CADM2: variants seen among roughly 807,000 people sequenced by gnomAD.
CADM2 encodes cell adhesion molecule 2.
A neutral mutation model predicts 49.8 loss-of-function variants in CADM2; 12 were observed. The observed-to-expected ratio is 0.24, with a 90% CI of 0.15 to 0.39. CADM2 has a LOEUF of 0.39. CADM2 is among the 10% of genes least tolerant of loss of function. The probability of loss-of-function intolerance (pLI) is 1.00; values close to 1 mark genes in which losing one functional copy is unlikely to be tolerated. For missense variants in CADM2, 378 were observed against 492.3 expected (o/e 0.77, Z 2.20); for synonymous variants, 214 against 175.4 (o/e 1.22, Z -1.74).
intron 8 of CADM2, among the ~76,000 whole-genome samples, chr3:85,978,900 T>C (rs1727124746): frequency 6.6e-6 from 1 of 151,602 alleles, no homozygotes; most frequent in Non-Finnish European, 1.5e-5. Context: ...AAATGAATTC[T>C]TGTCATTTTA....
chr3:84,961,624 A>ATGTG (rs919725759), intron 1 of CADM2, among the ~76,000 whole-genome samples: 4 of 151,094 alleles, frequency 2.6e-5, no homozygotes, highest in South Asian at 4.2e-4. Context: ...GTGTGTGTGT[A>ATGTG]TGTGTGTGTG....
chr3:85,548,146 A>G (rs2107095774), intron 1 of CADM2, among the ~76,000 whole-genome samples: 1 of 88,520 alleles, frequency 1.1e-5, no homozygotes, highest in East Asian at 6.7e-4. Context: ...TTCCCACTTC[A>G]CAGCGTGCCA....
chr3:86,037,280 C>G (rs1735283543), intron 8 of CADM2, among the ~76,000 whole-genome samples: 1 of 152,058 alleles, frequency 6.6e-6, no homozygotes. Context: ...ACTTTAATGT[C>G]AACGCTTAAC....
chr3:85,780,665 C>T (rs1310894862), intron 2 of CADM2, among the ~76,000 whole-genome samples: 1 of 152,112 alleles, frequency 6.6e-6, no homozygotes, highest in African/African-American at 2.4e-5. Context: ...CCTGGATATG[C>T]TTCTGATCTT....
intron 1 of CADM2, among the ~76,000 whole-genome samples, chr3:85,222,143 G>T (rs760405102): frequency 4.0e-4 from 61 of 152,130 alleles, no homozygotes; most frequent in Non-Finnish European, 6.8e-4. Context: ...TTGAAGGCTG[G>T]TTTGGTCACT....
chr3:85,839,366 G>A (rs1195790684), intron 3 of CADM2, among the ~76,000 whole-genome samples: 4 of 151,482 alleles, frequency 2.6e-5, no homozygotes, highest in African/African-American at 9.7e-5. Flanking sequence ...TGTCCATTTT[G>A]TAATATTTAT....
intron 8 of CADM2, among the ~76,000 whole-genome samples, chr3:85,983,401 G>A (rs1727701312): frequency 6.6e-6 from 1 of 151,662 alleles, no homozygotes; most frequent in African/African-American, 2.4e-5. Context: ...TTGGATATGA[G>A]TTTCAGTTAT....
intron 1 of CADM2, among the ~76,000 whole-genome samples, chr3:85,163,552 C>T (rs890088095): frequency 3.9e-5 from 6 of 151,966 alleles, no homozygotes; most frequent in South Asian, 2.1e-4. Context: ...CAGGATTTTA[C>T]GCCCTCAGAC....
Position 86,017,930 on chromosome 3 carries a change from G to T in CADM2, c.971-47675G>T, listed in dbSNP as rs570655238. On this transcript the variant is annotated intron_variant, in intron 8 of 9. Transcript: ENST00000383699. ...TTAGGGTACATGTGCACATTGTGCA[G>T]GTTAGTTACATATGTATACATGTGC... is the stretch of plus-strand genomic sequence containing the variant. Among the ~76,000 whole-genome samples the T allele has an allele frequency of 7.6e-3, 1,075 of 142,130 alleles. 9 individuals are homozygous for T. Among genetic ancestry groups the T allele is most frequent in the African/African-American group, 0.027 (1,029 of 38,374 alleles). The allele number at this position is 142,130 out of a possible 152,430, so 93.2% of individuals were successfully genotyped here.
chr3:85,703,635 T>A (rs1250238364), intron 1 of CADM2, among the ~76,000 whole-genome samples: 2 of 152,146 alleles, frequency 1.3e-5, no homozygotes, highest in African/African-American at 4.8e-5. Flanking sequence ...GATGTTTTAT[T>A]GCCCAATTAA....
intron 2 of CADM2, among the ~76,000 whole-genome samples, chr3:85,754,761 A>G (rs1266742860): frequency 1.3e-5 from 2 of 152,218 alleles, no homozygotes; most frequent in Non-Finnish European, 2.9e-5. Flanking sequence ...TAAAACAAAC[A>G]TTAACATTGT....
chr3:85,065,432 T>C (rs1050710812), intron 1 of CADM2, among the ~76,000 whole-genome samples: 1 of 152,130 alleles, frequency 6.6e-6, no homozygotes, highest in Non-Finnish European at 1.5e-5. Flanking sequence ...TTAATCATTT[T>C]TCTTTCTGGT....
intron 1 of CADM2, among the ~76,000 whole-genome samples, chr3:85,007,894 G>T (rs970708564): frequency 1.3e-5 from 2 of 152,156 alleles, no homozygotes; most frequent in African/African-American, 2.4e-5. Flanking sequence ...ACTGGAAAAC[G>T]AAAGTCTTGG....
intron 1 of CADM2, among the ~76,000 whole-genome samples, chr3:85,705,857 C>T (rs911406165): frequency 1.3e-5 from 2 of 152,090 alleles, no homozygotes. Flanking sequence ...TCCCCCTCAC[C>T]GTTTAATATT....
At chr3:85,672,647 CA>C (rs1161260872) in intron 1 of CADM2, among the ~76,000 whole-genome samples, 1 of 151,896 alleles carries the variant, frequency 6.6e-6, no homozygotes, top group African/African-American at 2.4e-5. Context: ...TTTTATGAAT[CA>C]AAAATATTAT....
In CADM2 at chr3:85,829,802, G is replaced by GTTTT. The variant is rs532114736; in HGVS notation, c.238+27607_238+27608insTTTT. On this transcript the variant is annotated intron_variant, in intron 3 of 9. Coordinates refer to ENST00000383699, the MANE Select transcript of CADM2 (RefSeq NM_001167675.2). ...CTGCGCTTGACTTACTTCACTTAGCGTAATGTTCTCCAGGTTCACTCATGT... is the reference window on the plus strand; with the variant it reads ...CTGCGCTTGACTTACTTCACTTAGCGTTTTTAATGTTCTCCAGGTTCACTCATGT... 1.3e-4 allele frequency among the ~76,000 whole-genome samples: 20 copies of GTTTT among 152,036 alleles called. No individual in the cohort carries two copies. The South Asian group carries it at 4.1e-3, about 32-fold the overall frequency.
chr3:85,284,112 C>A (rs574248269), intron 1 of CADM2, among the ~76,000 whole-genome samples: 1 of 152,242 alleles, frequency 6.6e-6, no homozygotes, highest in Admixed American at 6.5e-5. Context: ...TAATTAAACT[C>A]TACGGAATGA....
At chr3:85,718,345 G>A (rs1274757657) in intron 1 of CADM2, among the ~76,000 whole-genome samples, 1 of 152,076 alleles carries the variant, frequency 6.6e-6, no homozygotes, top group Non-Finnish European at 1.5e-5. Context: ...TTTAGTTATT[G>A]AGAACCTTTT....
At chr3:85,112,345 G>A (rs1226376319) in intron 1 of CADM2, among the ~76,000 whole-genome samples, 1 of 146,844 alleles carries the variant, frequency 6.8e-6, no homozygotes, top group Admixed American at 6.7e-5. Flanking sequence ...GAAAATTCTG[G>A]AGAAACTGTC....
Sources: allele counts gnomAD v4.1 joint callset (sites outside exome capture counted in the v4.1 genomes callset), GRCh38; gene constraint gnomAD v4.1.1; transcripts MANE v1.5; gene names NCBI Gene and HGNC (gene_info 2026-07-23, HGNC 2026-07-21).